The following BLOC1S3 variants were observed in gnomAD, a reference collection of about 807,000 sequenced individuals.
The protein encoded by BLOC1S3 is biogenesis of lysosomal organelles complex 1 subunit 3.
BLOC1S3 carries 7 observed loss-of-function variants against 9.1 expected under a neutral mutation model. The ratio of observed to expected loss-of-function variants is 0.77; its 90% CI spans 0.44 to 1.45. The LOEUF (loss-of-function observed/expected upper bound fraction) is 1.45, where lower values mean the gene tolerates loss of function less well. BLOC1S3 is among the 40% of genes most tolerant of loss of function. The pLI is 0.01. For missense variants in BLOC1S3, 307 were observed against 315.2 expected, an observed-to-expected ratio of 0.97 and a Z score of 0.20; for synonymous variants, 145 against 158.4, an observed-to-expected ratio of 0.92 and a Z score of 0.64.
Position 45,212,025 on chromosome 19 carries a change from GC to G in BLOC1S3, n.283-4646del, listed in dbSNP as rs1250512083. Among the ~76,000 whole-genome samples, 3 of 152,164 alleles carry G rather than the reference GC, an allele frequency of 2.0e-5. No homozygotes were observed. In the East Asian group the frequency reaches 5.8e-4, roughly 29 times the overall value. ...GGGCGCCCTGGATGCCGCCAGCCCTGCCCCCAACCTCCTTCCTCTCCTGACA... is the reference window on the plus strand; with the variant it reads ...GGGCGCCCTGGATGCCGCCAGCCCTGCCCCAACCTCCTTCCTCTCCTGACA... On this transcript the variant is annotated intron_variant and non_coding_transcript_variant, in intron 3 of 3. Transcript: ENST00000591569.
At chr19:45,187,169 AG>A, upstream of BLOC1S3, among the ~76,000 whole-genome samples, 1 of 149,342 alleles carries the variant, frequency 6.7e-6, no homozygotes, top group Non-Finnish European at 1.5e-5. Context: ...GGTCAGGGTC[AG>A]GGGCTGGAGC....
intron 3 of BLOC1S3, among the ~76,000 whole-genome samples, chr19:45,207,719 A>G (rs1969738572): frequency 6.6e-6 from 1 of 152,040 alleles, no homozygotes; most frequent in African/African-American, 2.4e-5. Context: ...CCTGGGAGAC[A>G]GAGCGAGACT....
At chr19:45,196,172 T>C (rs138184250) in intron 2 of BLOC1S3, among the ~76,000 whole-genome samples, 1 of 152,074 alleles carries the variant, frequency 6.6e-6, no homozygotes, top group South Asian at 2.1e-4. Flanking sequence ...TAAATTCTGT[T>C]AGGTGCTACT....
Position 45,216,191 on chromosome 19 carries a change from A to G in BLOC1S3, n.283-485A>G, listed in dbSNP as rs751561301. ...ACGGCATCCAGCCACGAGGCCTGGG[A>G]CTCCTGCAGGGGAGGGAGGGTGCGG... On this transcript the variant is annotated intron_variant and non_coding_transcript_variant, in intron 3 of 3. Coordinates refer to the BLOC1S3 transcript ENST00000591569. The G allele has an allele frequency of 2.5e-6, 4 of 1,612,242 alleles. No homozygotes were observed. The African/African-American group carries it at 5.4e-5, about 22-fold the overall frequency.
chr19:45,216,031 C>T (rs372317590), intron 3 of BLOC1S3: 90 of 1,607,134 alleles, frequency 5.6e-5, no homozygotes, highest in Non-Finnish European at 6.2e-5. Flanking sequence ...CAGGAGACCT[C>T]GGCCAGGCAC....
downstream of BLOC1S3, among the ~76,000 whole-genome samples, chr19:45,184,903 CAAAAAAAAAAAA>C (rs71338752): frequency 7.9e-4 from 38 of 48,292 alleles, no homozygotes; most frequent in Admixed American, 1.9e-3. Flanking sequence ...CTGTCTCAAA[CAAAAAAAAAAAA>C]AAAAAAAAAA....
At chr19:45,206,462 T>TGTTTTTTTTTTTG (rs1555754631) in intron 3 of BLOC1S3, among the ~76,000 whole-genome samples, 7 of 115,506 alleles carry the variant, frequency 6.1e-5, no homozygotes, top group East Asian at 2.5e-4. Flanking sequence ...TTTTTTTTTT[T>TGTTTTTTTTTTTG]TTTTTTTTTT....
intron 3 of BLOC1S3, among the ~76,000 whole-genome samples, chr19:45,202,838 C>T (rs150693695): frequency 3.3e-5 from 5 of 152,144 alleles, no homozygotes; most frequent in Non-Finnish European, 5.9e-5. Context: ...TTATTCAAGG[C>T]CCAAGAGATC....
At chr19:45,212,337 C>T (rs1969782174) in intron 3 of BLOC1S3, among the ~76,000 whole-genome samples, 1 of 152,226 alleles carries the variant, frequency 6.6e-6, no homozygotes, top group South Asian at 2.1e-4. Flanking sequence ...CCGGTCCTTC[C>T]TCCCCACAAC....
At chr19:45,212,940 A>T in intron 3 of BLOC1S3, 2 of 1,113,420 alleles carry the variant, frequency 1.8e-6, no homozygotes, top group Non-Finnish European at 2.4e-6. Flanking sequence ...GTTGGGTGAA[A>T]AGACATCTAA....
chr19:45,203,465 G>T (rs972956051), intron 3 of BLOC1S3, among the ~76,000 whole-genome samples: 32 of 152,064 alleles, frequency 2.1e-4, no homozygotes, highest in African/African-American at 6.8e-4. Flanking sequence ...GTAGAGACGG[G>T]GTTTCACCAT....
intron 3 of BLOC1S3, chr19:45,213,006 G>A (rs1280561601): frequency 1.9e-5 from 27 of 1,416,732 alleles, no homozygotes; most frequent in East Asian, 2.6e-5. Context: ...GAGGGGCGCC[G>A]TACGGGAGGT....
chr19:45,190,129 G>C (rs1198646223), intron 2 of BLOC1S3, among the ~76,000 whole-genome samples: 1 of 151,522 alleles, frequency 6.6e-6, no homozygotes, highest in Non-Finnish European at 1.5e-5. Context: ...GGGATTACAG[G>C]CATCAGTCAC....
intron 3 of BLOC1S3, among the ~76,000 whole-genome samples, chr19:45,209,397 G>A (rs1293420019): frequency 1.3e-5 from 2 of 151,872 alleles, no homozygotes; most frequent in Non-Finnish European, 2.9e-5. Flanking sequence ...TTCGAAGAGA[G>A]TAGTTCTATT....
At chr19:45,208,382 G>A (rs1969743674) in intron 3 of BLOC1S3, among the ~76,000 whole-genome samples, 1 of 152,030 alleles carries the variant, frequency 6.6e-6, no homozygotes, top group Non-Finnish European at 1.5e-5. Flanking sequence ...CGAGGTGGGT[G>A]GATCATTTGA....
At chr19:45,200,611 G>A (rs999098724) in intron 2 of BLOC1S3, among the ~76,000 whole-genome samples, 6 of 152,114 alleles carry the variant, frequency 3.9e-5, no homozygotes, top group Admixed American at 6.5e-5. Flanking sequence ...TGAATTCTCC[G>A]TCTGAAAGGT....
chr19:45,214,857 T>C lies in BLOC1S3; in HGVS notation n.283-1819T>C, dbSNP rs543951037. ...GGCGTGATATTTCAATAGCTTTAAT[T>C]ATACCCCTTACTTATAGGCCAAGCG... On this transcript the variant is annotated intron_variant and non_coding_transcript_variant, in intron 3 of 3. Coordinates refer to the BLOC1S3 transcript ENST00000591569. Among the ~76,000 whole-genome samples, 5 of 152,156 alleles carry C rather than the reference T, an allele frequency of 3.3e-5. No individual in the cohort carries two copies. The South Asian group carries it at 1.0e-3, about 32-fold the overall frequency.
chr19:45,188,176 C>G (rs1266071370), intron 2 of BLOC1S3, among the ~76,000 whole-genome samples: 1 of 152,098 alleles, frequency 6.6e-6, no homozygotes, highest in East Asian at 1.9e-4. Context: ...GTGTATGCCA[C>G]TATGTCCGAC....
At position 45,179,810 on chromosome 19, in the gene BLOC1S3, G is replaced by C. The variant is rs780704369; in HGVS notation, c.514G>C (p.Glu172Gln). The change falls in exon 2 of 2, where the codon GAG becomes CAG. Residue 172 changes from glutamate (E) to glutamine (Q), a missense_variant. Coordinates refer to ENST00000433642, the MANE Select transcript of BLOC1S3 (RefSeq NM_212550.5). The surrounding 1 kb of genome is among the most constrained non-coding windows in gnomAD (Gnocchi z 4.6). ...GCGCGGGGACCTTTGTGCGCTGGCC[G>C]AGCGTCTGGACATCGTGGCTGGCTG... ...LARGDLCALA[E>Q]RLDIVAGCRL... The C allele has an allele frequency of 1.2e-5, 19 of 1,604,962 alleles. No homozygotes were observed. The highest frequency in any genetic ancestry group is 1.6e-5 in the Non-Finnish European group (19 of 1,177,332).
Sources: gnomAD v4.1 joint callset for allele counts (sites outside exome capture counted in the v4.1 genomes callset) on GRCh38, gnomAD v4.1.1 for gene constraint, Gnocchi (gnomAD v3.1) non-coding constraint, MANE v1.5 for transcripts, NCBI Gene and HGNC (gene_info 2026-07-23, HGNC 2026-07-21) for gene names.